The following ABCA3 variants were observed in gnomAD, a reference collection of about 807,000 sequenced individuals.
The protein encoded by ABCA3 is phospholipid-transporting ATPase ABCA3.
Under a neutral mutation model 172.8 loss-of-function variants are expected in ABCA3, and 88 were observed. The ratio of observed to expected loss-of-function variants is 0.51; its 90% CI spans 0.43 to 0.61. The LOEUF is 0.61. ABCA3 is among the 20% of genes least tolerant of loss of function. The pLI is 0.00. For missense variants in ABCA3, 2,164 were observed against 2,301.0 expected, an observed-to-expected ratio of 0.94 and a Z score of 1.22; for synonymous variants, 1,066 against 983.8, an observed-to-expected ratio of 1.08 and a Z score of -1.56.
At position 2,308,556 on chromosome 16, in the gene ABCA3, G is replaced by A. The variant is rs1210316230; in HGVS notation, c.1179C>T (p.Ala393=). The change falls in exon 11 of 33, where the codon GCC becomes GCT. Residue 393 remains alanine (A), a synonymous_variant. Coordinates refer to ENST00000301732, the MANE Select transcript of ABCA3 (RefSeq NM_001089.3). ...TCAGAGTCATCCAGTTGTACCGAGG[G>A]GCCACGAAGAAGTAGGGGATGTAGG... ...FFTYIPYFFV[A]PRYNWMTLSQ... is the part of the protein sequence containing the mutation. 6.2e-7 allele frequency: 1 copy of A among 1,614,220 alleles called. No individual in the cohort carries two copies. Among genetic ancestry groups the A allele is most frequent in the Non-Finnish European group, 8.5e-7 (1 of 1,180,036 alleles).
Position 2,297,877 on chromosome 16 carries a change from C to G in ABCA3, c.1941G>C (p.Gln647His). 6.2e-7 allele frequency: 1 copy of G among 1,613,870 alleles called. No homozygotes were observed. The highest frequency in any genetic ancestry group is 1.1e-5 in the South Asian group (1 of 91,088). ...SRQKCPEEVKQMLHIIGLEDK... is the reference protein window; with the variant it reads ...SRQKCPEEVKHMLHIIGLEDK... ...CCTCCAGGCCGATGATGTGCAGCAT[C>G]TGCTTGACTTCTTCAGGGCACTTCT... is the stretch of plus-strand genomic sequence containing the variant. The change falls in exon 16 of 33, where the codon CAG (glutamine) becomes CAC (histidine). Residue 647 changes from glutamine to histidine, a missense_variant. Transcript: ENST00000301732. The surrounding 1 kb of genome is among the most constrained non-coding windows in gnomAD (Gnocchi z 5.6).
At position 2,281,900 on chromosome 16, in the gene ABCA3, G is replaced by A. The variant is rs935491252; in HGVS notation, c.4036-391C>T. 6.6e-6 allele frequency among the ~76,000 whole-genome samples: 1 copy of A among 151,824 alleles called. No homozygotes were observed. The highest frequency in any genetic ancestry group is 1.5e-5 in the Non-Finnish European group (1 of 67,990). On this transcript the variant is annotated intron_variant, in intron 26 of 32. Coordinates refer to ENST00000301732, the MANE Select transcript of ABCA3 (RefSeq NM_001089.3). The surrounding 1 kb of genome is among the most constrained non-coding windows in gnomAD (Gnocchi z 4.7). ...GCTCACTGCAAACTCTGCCTCCCAG[G>A]TTCAACTGATTCTCCTGCTTCAGCC...
intron 15 of ABCA3, 49 bp downstream of exon 15, chr16:2,298,337 C>T (rs201376368): frequency 3.2e-5 from 51 of 1,611,294 alleles, no homozygotes; most frequent in South Asian, 5.5e-5. Flanking sequence ...CCCAGAAACT[C>T]GAGCACATCA....
At chr16:2,311,237 G>T (rs754666687) in intron 10 of ABCA3, among the ~76,000 whole-genome samples, 2 of 152,096 alleles carry the variant, frequency 1.3e-5, no homozygotes, top group Non-Finnish European at 2.9e-5. Context: ...CTCCCAAAGT[G>T]CTGGAATTAC....
At position 2,297,713 on chromosome 16, in the gene ABCA3, C is replaced by A; in HGVS notation, c.2052+53G>T. 2.5e-6 allele frequency: 4 copies of A among 1,603,366 alleles called. No homozygotes were observed. Among genetic ancestry groups the A allele is most frequent in the Non-Finnish European group, 3.4e-6 (4 of 1,179,734 alleles). On this transcript the variant is annotated intron_variant, in intron 16 of 32. Transcript: ENST00000301732. This position sits in a 1 kb window ranked among gnomAD's most constrained non-coding sequence, Gnocchi z 5.6. Reference sequence around the variant, plus strand: ...GGTGCCCGGGCCATGGCGGAAGGGCCATCCCAGGTCGAGCAGGAGGGGAAC... The same window carrying A: ...GGTGCCCGGGCCATGGCGGAAGGGCAATCCCAGGTCGAGCAGGAGGGGAAC...
Position 2,298,540 on chromosome 16 carries a change from C to G in ABCA3, c.1742G>C (p.Gly581Ala). 1.2e-6 allele frequency: 2 copies of G among 1,613,154 alleles called. No individual in the cohort carries two copies. Among genetic ancestry groups the G allele is most frequent in the Non-Finnish European group, 1.7e-6 (2 of 1,179,998 alleles). The change falls in exon 15 of 33, where the codon GGT (glycine) becomes GCT (alanine). Residue 581 changes from glycine (G) to alanine (A), a missense_variant and splice_region_variant. By Grantham distance (60) the Gly-to-Ala change is moderately conservative. Transcript: ENST00000301732. ...CCGTCCACTGGTGGGGGGAAAGAGA[C>G]CTGGGGCCCAGCAGGAGACCCCACA... ...GKTTTLSMLT[G>A]LFPPTSGRAY...
rs887949046 is a variant in ABCA3 at position 2,304,246 on chromosome 16, T to C, written c.1286-96A>G. ...TGGCACACGTGTGCACATTTGACCT[T>C]GCATGGCCACTGCTTGGTTGGCATG... On this transcript the variant is annotated intron_variant, in intron 11 of 32. Transcript: ENST00000301732. 16 of 1,326,194 alleles carry C rather than the reference T, an allele frequency of 1.2e-5. No individual in the cohort carries two copies. In the African/African-American group the frequency reaches 2.3e-4, roughly 19 times the overall value. The allele number at this position is 1,326,194 out of a possible 1,614,324, so 82.2% of individuals were successfully genotyped here. A position where few individuals can be genotyped will look rare whatever the true frequency, so the allele number is the denominator to read the frequency against.
At chr16:2,289,243 A>T in intron 20 of ABCA3, 191 bp downstream of exon 20, 1 of 658,628 alleles carries the variant, frequency 1.5e-6, no homozygotes, top group Non-Finnish European at 2.6e-6. Flanking sequence ...GAGAAATTCC[A>T]GTTGCTCCAT....
chr16:2,276,779 C>T lies in ABCA3; in HGVS notation c.5010G>A (p.Lys1670=). The T allele has an allele frequency of 1.2e-6, 2 of 1,613,988 alleles. No individual in the cohort carries two copies. The highest frequency in any genetic ancestry group is 8.5e-7 in the Non-Finnish European group (1 of 1,180,042). ...AKVFGILEKA[K]EKYGVDDYSV... Reference sequence around the variant, plus strand: ...AGTAGTCGTCCACGCCGTACTTTTCCTTGGCTTTCTCCAGAATACCGAAAA... The same window carrying T: ...AGTAGTCGTCCACGCCGTACTTTTCTTTGGCTTTCTCCAGAATACCGAAAA... Residue 1670 remains lysine (K), a synonymous_variant, in exon 33 of 33, where the codon AAG becomes AAA. Coordinates refer to ENST00000301732, the MANE Select transcript of ABCA3 (RefSeq NM_001089.3).
At chr16:2,282,472 G>A (rs1168108361) in intron 26 of ABCA3, among the ~76,000 whole-genome samples, 4 of 152,186 alleles carry the variant, frequency 2.6e-5, no homozygotes, top group African/African-American at 7.2e-5. Flanking sequence ...ATTCCCCCTC[G>A]GCTAAGCTGT....
chr16:2,284,469 G>A lies in ABCA3; in HGVS notation c.3704-32C>T, dbSNP rs1275061855. On this transcript the variant is annotated intron_variant, in intron 24 of 32. Coordinates refer to ENST00000301732, the MANE Select transcript of ABCA3 (RefSeq NM_001089.3). This position sits in a 1 kb window ranked among gnomAD's most constrained non-coding sequence, Gnocchi z 5.9. ...TGGGGAGGTAAGATCAGTCTGCGCT[G>A]GAGGGCACACCACACCCACCTCCAG... is the stretch of plus-strand genomic sequence containing the variant. 3 of 1,612,944 alleles carry A rather than the reference G, an allele frequency of 1.9e-6. No individual in the cohort carries two copies. The Admixed American group carries it at 5.0e-5, about 27-fold the overall frequency.
At position 2,277,502 on chromosome 16, in the gene ABCA3, TG is replaced by T; in HGVS notation, c.4983+94del. On this transcript the variant is annotated intron_variant, in intron 32 of 32. Transcript: ENST00000301732. This position sits in a 1 kb window ranked among gnomAD's most constrained non-coding sequence, Gnocchi z 5.3. ...GGAGAAATGGAAAGTGACTCCTCTG[TG>T]GAAAGAGCCTGCAGTCACCACAGAG... is the stretch of plus-strand genomic sequence containing the variant. 7.6e-7 allele frequency: 1 copy of T among 1,322,812 alleles called. No homozygotes were observed. The allele number at this position is 1,322,812 out of a possible 1,614,324, so 81.9% of individuals were successfully genotyped here. A position where few individuals can be genotyped will look rare whatever the true frequency, so the allele number is the denominator to read the frequency against.
At chr16:2,336,170 C>T (rs553969746) in intron 1 of ABCA3, among the ~76,000 whole-genome samples, 1 of 152,300 alleles carries the variant, frequency 6.6e-6, no homozygotes, top group African/African-American at 2.4e-5. Flanking sequence ...AATTACGTGA[C>T]TGCGTTCCCA....
chr16:2,339,464 T>A (rs2093757038), intron 1 of ABCA3: 1 of 152,236 alleles, frequency 6.6e-6, no homozygotes, highest in Non-Finnish European at 1.5e-5. Flanking sequence ...CATCCATTTT[T>A]ATCTATTTTT....
chr16:2,308,351 C>A, intron 11 of ABCA3, 99 bp downstream of exon 11: 1 of 1,476,096 alleles, frequency 6.8e-7, no homozygotes, highest in East Asian at 2.3e-5. Flanking sequence ...TGCCTGCCAA[C>A]CGTCCCAGGT....
intron 1 of ABCA3, among the ~76,000 whole-genome samples, chr16:2,335,059 C>G (rs1282143421): frequency 6.6e-6 from 1 of 151,582 alleles, no homozygotes; most frequent in East Asian, 2.0e-4. Context: ...GAACTCCTGA[C>G]CTCAAGTGAT....
intron 7 of ABCA3, chr16:2,323,305 G>T: frequency 1.6e-6 from 1 of 629,528 alleles, no homozygotes; most frequent in Admixed American, 2.7e-5. Context: ...CCATTACTGG[G>T]TATATACCCA....
intron 1 of ABCA3, among the ~76,000 whole-genome samples, chr16:2,336,579 C>T (rs1286062153): frequency 6.6e-6 from 1 of 151,182 alleles, no homozygotes; most frequent in African/African-American, 2.4e-5. Flanking sequence ...TACAGGTGCC[C>T]GCCACCACGC....
intron 10 of ABCA3, among the ~76,000 whole-genome samples, chr16:2,312,913 G>A (rs571966700): frequency 1.2e-4 from 18 of 151,928 alleles, no homozygotes; most frequent in African/African-American, 4.3e-4. Context: ...AGCTGGGCAT[G>A]GTGTTGTACA....
Sources: allele counts gnomAD v4.1 joint callset (sites outside exome capture counted in the v4.1 genomes callset), GRCh38; gene constraint gnomAD v4.1.1; non-coding constraint Gnocchi (gnomAD v3.1); transcripts MANE v1.5; gene names NCBI Gene and HGNC (gene_info 2026-07-23, HGNC 2026-07-21).